GSE1: variants seen among roughly 807,000 people sequenced by gnomAD.
The protein encoded by GSE1 is Gse1 coiled-coil protein, also known as genetic suppressor element 1.
Under a neutral mutation model 112.6 loss-of-function variants are expected in GSE1, and 32 were observed. The observed-to-expected ratio is 0.28, with a 90% CI of 0.21 to 0.38. GSE1 has a LOEUF of 0.38. GSE1 is among the 10% of genes least tolerant of loss of function. GSE1 has a pLI of 1.00. For missense variants in GSE1, 2,348 were observed against 1,699.2 expected, an observed-to-expected ratio of 1.38 and a Z score of -6.71; for synonymous variants, 1,115 against 735.6, an observed-to-expected ratio of 1.52 and a Z score of -8.35.
intron 10 of GSE1, 104 bp downstream of exon 10, chr16:85,663,197 T>C: frequency 1.6e-6 from 2 of 1,269,464 alleles, no homozygotes; most frequent in Non-Finnish European, 2.3e-6. Flanking sequence ...TCCGAAGTCC[T>C]GGCGGGTTCG....
intron 2 of GSE1, among the ~76,000 whole-genome samples, chr16:85,421,932 C>T (rs922604246): frequency 1.1e-4 from 16 of 152,236 alleles, no homozygotes; most frequent in Middle Eastern, 3.4e-3. Flanking sequence ...TGAGGGCTTT[C>T]GAAGGGATCC....
intron 2 of GSE1, among the ~76,000 whole-genome samples, chr16:85,641,714 G>C (rs1309101433): frequency 6.6e-6 from 1 of 152,260 alleles, no homozygotes; most frequent in East Asian, 1.9e-4. Context: ...TGGGTGGGGG[G>C]CTGATTGGCT....
chr16:85,606,773 G>A (rs769552393), upstream of GSE1, among the ~76,000 whole-genome samples: 1 of 152,134 alleles, frequency 6.6e-6, no homozygotes, highest in Non-Finnish European at 1.5e-5. Context: ...GGCTAGCAGG[G>A]GCCAACTTGT....
chr16:85,378,195 C>T (rs150756531), intron 2 of GSE1, among the ~76,000 whole-genome samples: 13 of 152,274 alleles, frequency 8.5e-5, no homozygotes, highest in Admixed American at 1.3e-4. Context: ...CTCCCTCCTC[C>T]GTGGCAGGCT....
At chr16:85,397,684 C>T (rs2047999795) in intron 2 of GSE1, among the ~76,000 whole-genome samples, 1 of 152,250 alleles carries the variant, frequency 6.6e-6, no homozygotes, top group African/African-American at 2.4e-5. Context: ...CTGGCCCCCT[C>T]TGGAGGACGC....
intron 1 of GSE1, among the ~76,000 whole-genome samples, chr16:85,266,522 C>T (rs1461675307): frequency 6.6e-6 from 1 of 152,154 alleles, no homozygotes; most frequent in Non-Finnish European, 1.5e-5. Flanking sequence ...GTTGTGCCCA[C>T]TTCACAGAGG....
intron 1 of GSE1, among the ~76,000 whole-genome samples, chr16:85,214,115 A>G (rs569872915): frequency 2.6e-5 from 4 of 152,296 alleles, no homozygotes; most frequent in East Asian, 3.9e-4. Context: ...GAAGATTGAC[A>G]TCGTACGAGT....
intron 1 of GSE1, among the ~76,000 whole-genome samples, chr16:85,175,030 G>C (rs149823521): frequency 2.1e-5 from 3 of 144,542 alleles, no homozygotes; most frequent in Non-Finnish European, 3.1e-5. Flanking sequence ...CATGATCTCT[G>C]CTGCTTCCTG....
At chr16:85,275,807 G>T (rs935216471) in intron 1 of GSE1, among the ~76,000 whole-genome samples, 3 of 152,230 alleles carry the variant, frequency 2.0e-5, no homozygotes, top group African/African-American at 7.2e-5. Context: ...TGGCGCCCTC[G>T]GCCTGGGAAG....
At chr16:85,248,433 C>G (rs1490509717) in intron 1 of GSE1, among the ~76,000 whole-genome samples, 3 of 151,934 alleles carry the variant, frequency 2.0e-5, no homozygotes, top group African/African-American at 7.3e-5. Flanking sequence ...CTTCCCGCAT[C>G]TCTCTCTCCC....
chr16:85,489,095 G>A (rs771723834), intron 2 of GSE1, among the ~76,000 whole-genome samples: 4 of 152,130 alleles, frequency 2.6e-5, no homozygotes, highest in South Asian at 2.1e-4. Context: ...GCAGCGTCCC[G>A]TGTGCTACCA....
chr16:85,474,841 A>G lies in GSE1; in HGVS notation c.2464+117198A>G, dbSNP rs565007713. On this transcript the variant is annotated intron_variant, in intron 2 of 2. Coordinates refer to the GSE1 transcript ENST00000637419. ...GAAGCCCTTGTGCCAGTTTCCGAAAAGAATGTTGCTTTTCATACTTCACCC... is the reference window on the plus strand; with the variant it reads ...GAAGCCCTTGTGCCAGTTTCCGAAAGGAATGTTGCTTTTCATACTTCACCC... 9.9e-5 allele frequency among the ~76,000 whole-genome samples: 15 copies of G among 152,192 alleles called. 1 individual carries two copies. The highest frequency in any genetic ancestry group is 3.6e-4 in the African/African-American group (15 of 41,516).
intron 1 of GSE1, among the ~76,000 whole-genome samples, chr16:85,181,176 A>C (rs906675711): frequency 2.0e-4 from 30 of 152,322 alleles, no homozygotes; most frequent in African/African-American, 7.2e-4. Context: ...CTCCACGCTG[A>C]CACCGGCTAA....
chr16:85,588,692 C>A (rs991424234), intron 1 of GSE1, among the ~76,000 whole-genome samples: 7 of 152,220 alleles, frequency 4.6e-5, no homozygotes, highest in Non-Finnish European at 1.0e-4. Flanking sequence ...CTGCATAAAT[C>A]TCCTATCAAC....
At chr16:85,197,122 C>G (rs904027913) in intron 1 of GSE1, among the ~76,000 whole-genome samples, 3 of 152,190 alleles carry the variant, frequency 2.0e-5, no homozygotes, top group African/African-American at 7.2e-5. Flanking sequence ...ATGCCAGGCA[C>G]AGAGACAACA....
intron 1 of GSE1, among the ~76,000 whole-genome samples, chr16:85,290,585 C>A (rs2045179936): frequency 2.0e-5 from 3 of 152,218 alleles, no homozygotes; most frequent in Admixed American, 2.0e-4. Context: ...AGACCAAAAT[C>A]CAGGCCACAC....
intron 1 of GSE1, among the ~76,000 whole-genome samples, chr16:85,298,840 C>G (rs2045438381): frequency 6.6e-6 from 1 of 152,234 alleles, no homozygotes; most frequent in African/African-American, 2.4e-5. Context: ...TGCAGATGGG[C>G]TAGAACTTTC....
At chr16:85,263,328 G>C (rs1907907604) in intron 1 of GSE1, among the ~76,000 whole-genome samples, 1 of 152,132 alleles carries the variant, frequency 6.6e-6, no homozygotes, top group African/African-American at 2.4e-5. Flanking sequence ...TGTGACGCTG[G>C]AGTGTGCATC....
chr16:85,362,494 G>A (rs908292880), intron 2 of GSE1, among the ~76,000 whole-genome samples: 4 of 152,298 alleles, frequency 2.6e-5, no homozygotes, highest in East Asian at 3.9e-4. Flanking sequence ...ACTACTTCCC[G>A]GCCATGGAGC....
Sources: allele counts gnomAD v4.1 joint callset (sites outside exome capture counted in the v4.1 genomes callset), GRCh38; gene constraint gnomAD v4.1.1; transcripts MANE v1.5; gene names NCBI Gene and HGNC (gene_info 2026-07-23, HGNC 2026-07-21).